ZNF609: variants seen among roughly 807,000 people sequenced by gnomAD.
ZNF609 encodes zinc finger protein 609.
In ZNF609, 11 loss-of-function variants were observed where a neutral mutation model predicts 109.5. The observed-to-expected ratio is 0.10, with a 90% CI of 0.06 to 0.17. The LOEUF is 0.17. Among genes scored for constraint, ZNF609 ranks in the 10% least tolerant of loss-of-function variants. The pLI, the probability that ZNF609 is intolerant of heterozygous loss-of-function variation, is 1.00. For missense variants in ZNF609, 1,559 were observed against 1,772.4 expected (o/e 0.88, Z 2.16); for synonymous variants, 646 against 662.0 (o/e 0.98, Z 0.37).
At chr15:64,556,709 T>G (rs1008863969) in intron 2 of ZNF609, among the ~76,000 whole-genome samples, 13 of 152,224 alleles carry the variant, frequency 8.5e-5, no homozygotes, top group African/African-American at 3.1e-4. Flanking sequence ...AACACCATGT[T>G]GACCAGTTCT....
intron 2 of ZNF609, among the ~76,000 whole-genome samples, chr15:64,580,542 TTTTCTTTTCTTTTC>T (rs1323418691): frequency 1.5e-5 from 1 of 68,774 alleles, no homozygotes; most frequent in Non-Finnish European, 4.0e-5. Flanking sequence ...AGTTCTTTTC[TTTTCTTTTCTTTTC>T]TTTTTTTTTT....
intron 2 of ZNF609, among the ~76,000 whole-genome samples, chr15:64,595,701 A>G (rs1895385055): frequency 1.3e-5 from 2 of 152,202 alleles, no homozygotes; most frequent in South Asian, 4.1e-4. Flanking sequence ...GGTTATACAG[A>G]TAAATGGTAA....
At position 64,577,200 on chromosome 15, in the gene ZNF609, A is replaced by ATAT. The variant is rs1361333420; in HGVS notation, c.748-45627_748-45626insTAT. Among the ~76,000 whole-genome samples the ATAT allele has an allele frequency of 7.1e-4, 65 of 92,030 alleles. 29 individuals are homozygous for ATAT. Among genetic ancestry groups the ATAT allele is most frequent in the African/African-American group, 2.3e-3 (59 of 25,860 alleles). 60.4% of individuals were successfully genotyped at this position (92,030 alleles called of 152,430 possible). On this transcript the variant is annotated intron_variant, in intron 2 of 9. Transcript: ENST00000326648. Reference sequence around the variant, plus strand: ...ACATATATGTGTATATATACACACAAATACATATATATGTATATATATACA... The same window carrying ATAT: ...ACATATATGTGTATATATACACACAATATATACATATATATGTATATATATACA...
chr15:64,629,107 T>C (rs1896022614), intron 3 of ZNF609, among the ~76,000 whole-genome samples: 1 of 152,210 alleles, frequency 6.6e-6, no homozygotes, highest in Admixed American at 6.5e-5. Context: ...TCATTTCTCT[T>C]TATAACTGGT....
intron 6 of ZNF609, among the ~76,000 whole-genome samples, chr15:64,679,261 G>A (rs1281381283): frequency 1.3e-5 from 2 of 152,114 alleles, no homozygotes; most frequent in East Asian, 1.9e-4. Flanking sequence ...TAGTAGAGAC[G>A]GTGTTCTTCC....
intron 2 of ZNF609, chr15:64,502,766 T>C (rs1335980952): frequency 2.6e-5 from 4 of 152,094 alleles, no homozygotes; most frequent in Non-Finnish European, 5.9e-5. Context: ...ATGAGGAAGA[T>C]TTGAATATTG....
intron 6 of ZNF609, among the ~76,000 whole-genome samples, chr15:64,679,682 TG>T (rs1044341512): frequency 2.0e-5 from 3 of 152,246 alleles, no homozygotes; most frequent in Non-Finnish European, 4.4e-5. Context: ...GTGCTCGCCC[TG>T]AGCCAGGCGC....
At chr15:64,671,499 A>G (rs1455940130) in intron 4 of ZNF609, 2 of 152,234 alleles carry the variant, frequency 1.3e-5, no homozygotes, top group Non-Finnish European at 2.9e-5. Context: ...GCTATTTCTC[A>G]GAAATTTGAA....
chr15:64,678,643 C>A (rs1429140869), intron 6 of ZNF609, among the ~76,000 whole-genome samples, 161 bp downstream of exon 6: 1 of 152,202 alleles, frequency 6.6e-6, no homozygotes, highest in Non-Finnish European at 1.5e-5. Flanking sequence ...CCACCATAAC[C>A]CATAGTTCCT....
intron 3 of ZNF609, among the ~76,000 whole-genome samples, chr15:64,650,651 T>C (rs1035062378): frequency 1.2e-4 from 18 of 151,566 alleles, no homozygotes; most frequent in African/African-American, 4.4e-4. Flanking sequence ...GGGAAAGAGG[T>C]CCTCTACTTA....
At chr15:64,514,486 A>G (rs1245392651) in intron 2 of ZNF609, among the ~76,000 whole-genome samples, 1 of 152,226 alleles carries the variant, frequency 6.6e-6, no homozygotes, top group Non-Finnish European at 1.5e-5. Context: ...AACAAGAACT[A>G]TCATGTAGCA....
chr15:64,488,985 C>T (rs768555582), intron 1 of ZNF609, among the ~76,000 whole-genome samples: 8 of 151,652 alleles, frequency 5.3e-5, no homozygotes, highest in South Asian at 2.1e-4. Context: ...CCTGTGGTCC[C>T]AGCTACATGG....
At chr15:64,470,192 G>T (rs1294144162) in intron 1 of ZNF609, 1 of 152,142 alleles carries the variant, frequency 6.6e-6, no homozygotes, top group Admixed American at 6.6e-5. Flanking sequence ...CTACAAAAGT[G>T]TGCCACCATG....
At chr15:64,468,483 C>G (rs548057078) in intron 1 of ZNF609, among the ~76,000 whole-genome samples, 1 of 152,126 alleles carries the variant, frequency 6.6e-6, no homozygotes, top group Non-Finnish European at 1.5e-5. Flanking sequence ...AACTCCTGGG[C>G]TCAAGCCATC....
chr15:64,598,750 A>G (rs1401605674), intron 2 of ZNF609, among the ~76,000 whole-genome samples: 2,392 of 92,464 alleles, frequency 0.026, 26 homozygotes, highest in South Asian at 0.056. Context: ...GTGTATATAT[A>G]TATATATATA....
chr15:64,579,103 AT>A (rs766068772), intron 2 of ZNF609, among the ~76,000 whole-genome samples: 7 of 151,884 alleles, frequency 4.6e-5, no homozygotes, highest in South Asian at 2.1e-4. Context: ...ACATTTTGCT[AT>A]TTTTTTATGT....
intron 1 of ZNF609, among the ~76,000 whole-genome samples, chr15:64,487,458 A>C (rs1055305733): frequency 1.3e-5 from 2 of 152,198 alleles, no homozygotes; most frequent in African/African-American, 4.8e-5. Context: ...TTCCATGTGT[A>C]TACAGATATG....
intron 2 of ZNF609, among the ~76,000 whole-genome samples, chr15:64,504,884 T>G (rs1893612076): frequency 6.6e-6 from 1 of 151,910 alleles, no homozygotes; most frequent in Non-Finnish European, 1.5e-5. Flanking sequence ...CACTTCTGCC[T>G]TGGTCTCACT....
At chr15:64,533,235 G>C (rs1015185919) in intron 2 of ZNF609, among the ~76,000 whole-genome samples, 1 of 152,080 alleles carries the variant, frequency 6.6e-6, no homozygotes, top group Non-Finnish European at 1.5e-5. Flanking sequence ...ATTTTTAGTA[G>C]AGATGGGGTT....
Sources: allele counts gnomAD v4.1 joint callset (sites outside exome capture counted in the v4.1 genomes callset), GRCh38; gene constraint gnomAD v4.1.1; transcripts MANE v1.5; gene names NCBI Gene and HGNC (gene_info 2026-07-23, HGNC 2026-07-21).